The following FBXO42 variants were observed in gnomAD, a reference collection of about 807,000 sequenced individuals.
FBXO42 encodes F-box protein 42.
In FBXO42, 12 loss-of-function variants were observed where a neutral mutation model predicts 71.7. That is an observed-to-expected ratio of 0.17 (90% CI 0.11 to 0.27). FBXO42 has a LOEUF of 0.27. Among genes scored for constraint, FBXO42 ranks in the 10% least tolerant of loss-of-function variants. The pLI is 1.00. For missense variants in FBXO42, 707 were observed against 911.9 expected (o/e 0.78, Z 2.89); for synonymous variants, 325 against 327.5 (o/e 0.99, Z 0.08).
At chr1:16,273,134 G>A (rs529843303) in intron 4 of FBXO42, among the ~76,000 whole-genome samples, 1 of 152,180 alleles carries the variant, frequency 6.6e-6, no homozygotes, top group East Asian at 1.9e-4. Context: ...TGAAAGGTAG[G>A]TATTACCATC....
chr1:16,253,834 AC>A, intron 6 of FBXO42, 103 bp from the exon 7 acceptor site: 3 of 979,186 alleles, frequency 3.1e-6, no homozygotes, highest in Admixed American at 2.1e-5. Flanking sequence ...GCAAACTTGC[AC>A]CATTTTCACT....
chr1:16,271,065 A>T (rs914050499), intron 4 of FBXO42, among the ~76,000 whole-genome samples: 12 of 152,124 alleles, frequency 7.9e-5, no homozygotes, highest in Non-Finnish European at 1.2e-4. Context: ...TAAAGGAGAG[A>T]GTCACAAGGA....
At chr1:16,256,855 A>G in intron 4 of FBXO42, 96 bp from the exon 5 acceptor site, 2 of 1,325,484 alleles carry the variant, frequency 1.5e-6, no homozygotes, top group Non-Finnish European at 2.1e-6. Context: ...GAAGAGCAAC[A>G]AAAGGGGAAC....
chr1:16,250,725 T>C lies in FBXO42; in HGVS notation c.2099A>G (p.Asn700Ser). ...IFGGLMDKKQNVKYYPKTNAL... is the reference protein window; with the variant it reads ...IFGGLMDKKQSVKYYPKTNAL... ...GTTTGTTTTTGGATAGTACTTCACA[T>C]TCTGTTTCTTGTCCATGAGTCCTCC... The change falls in exon 10 of 10, where the codon AAT becomes AGT. Residue 700 changes from asparagine (N) to serine (S), a missense_variant. Asn to Ser is a conservative substitution (Grantham distance 46). Coordinates refer to ENST00000375592, the MANE Select transcript of FBXO42 (RefSeq NM_018994.3). The surrounding 1 kb of genome is among the most constrained non-coding windows in gnomAD (Gnocchi z 4.7). 6.2e-7 allele frequency: 1 copy of C among 1,614,180 alleles called. No individual in the cohort carries two copies. The highest frequency in any genetic ancestry group is 8.5e-7 in the Non-Finnish European group (1 of 1,180,044).
intron 1 of FBXO42, among the ~76,000 whole-genome samples, chr1:16,331,243 C>G (rs963908012): frequency 7.0e-6 from 1 of 143,304 alleles, no homozygotes; most frequent in African/African-American, 2.6e-5. Flanking sequence ...GAAACCCCGT[C>G]TCTACTAAAA....
At chr1:16,316,533 C>T (rs1215871488) in intron 1 of FBXO42, among the ~76,000 whole-genome samples, 1 of 151,588 alleles carries the variant, frequency 6.6e-6, no homozygotes, top group Admixed American at 6.6e-5. Flanking sequence ...GTCAGGAGTT[C>T]GAGACCAGCG....
chr1:16,282,682 T>C (rs2081977184), intron 4 of FBXO42, among the ~76,000 whole-genome samples: 1 of 151,234 alleles, frequency 6.6e-6, no homozygotes, highest in African/African-American at 2.4e-5. Context: ...CCATTTCCAT[T>C]TTTAAAAATG....
chr1:16,330,420 T>C (rs565912588), intron 1 of FBXO42, among the ~76,000 whole-genome samples: 1 of 152,086 alleles, frequency 6.6e-6, no homozygotes, highest in Admixed American at 6.6e-5. Context: ...GGTGGAAGGA[T>C]GGCTTGAGCC....
At position 16,249,107 on chromosome 1, in the gene FBXO42, A is replaced by T. The variant is rs544699125; in HGVS notation, c.*1563T>A. ...GTGATGTTTTGAAATTAGGATTTAAATTTCAAAACAAAACAAAGGCAAAAC... is the reference window on the plus strand; with the variant it reads ...GTGATGTTTTGAAATTAGGATTTAATTTTCAAAACAAAACAAAGGCAAAAC... On this transcript the variant is annotated 3_prime_UTR_variant, in exon 10 of 10. Transcript: ENST00000375592. 1.2e-3 allele frequency: 181 copies of T among 152,376 alleles called. No homozygotes were observed. Among genetic ancestry groups the T allele is most frequent in the African/African-American group, 4.2e-3 (173 of 41,586 alleles). 9.4% of individuals were successfully genotyped at this position (152,376 alleles called of 1,614,324 possible).
intron 3 of FBXO42, among the ~76,000 whole-genome samples, chr1:16,304,329 G>A (rs1392222671): frequency 7.1e-6 from 1 of 141,564 alleles, no homozygotes; most frequent in Non-Finnish European, 1.5e-5. Flanking sequence ...ATGTTGGCCA[G>A]GCTGGTCTCA....
rs60358251 is a variant in FBXO42, at chr1:16,350,573, CAAAAAAAAAAAAA to C, written c.-18+1669_-18+1681del. The stretch of plus-strand genomic sequence containing the variant: ...TGAAACCCCGTCTCTACTAAAATTA[CAAAAAAAAAAAAA>C]AAAAAAAAAAAATTAGCGGGCGTGG... On this transcript the variant is annotated intron_variant, in intron 1 of 9. Coordinates refer to ENST00000375592, the MANE Select transcript of FBXO42 (RefSeq NM_018994.3). Among the ~76,000 whole-genome samples, 11 of 66,794 alleles carry C rather than the reference CAAAAAAAAAAAAA, an allele frequency of 1.6e-4. No individual in the cohort carries two copies. The East Asian group carries it at 3.7e-3, about 23-fold the overall frequency. 43.8% of individuals were successfully genotyped at this position (66,794 alleles called of 152,430 possible).
intron 1 of FBXO42, among the ~76,000 whole-genome samples, chr1:16,332,747 G>A (rs1261833839): frequency 2.0e-5 from 3 of 151,990 alleles, no homozygotes; most frequent in African/African-American, 7.2e-5. Flanking sequence ...CACCATGTTG[G>A]TCAGGCTGGT....
At chr1:16,330,283 C>T (rs560537332) in intron 1 of FBXO42, among the ~76,000 whole-genome samples, 3 of 151,190 alleles carry the variant, frequency 2.0e-5, no homozygotes, top group African/African-American at 7.3e-5. Context: ...CACTTTGAGA[C>T]GCCAAGATGA....
intron 4 of FBXO42, among the ~76,000 whole-genome samples, chr1:16,270,751 T>TACACACACACACAC (rs58610558): frequency 1.1e-4 from 12 of 111,002 alleles, no homozygotes; most frequent in African/African-American, 4.3e-4. Context: ...TACCATGAGA[T>TACACACACACACAC]ACACACACAC....
In FBXO42 at chr1:16,248,969, C is replaced by CAGTA; in HGVS notation, c.*1697_*1700dup. On this transcript the variant is annotated 3_prime_UTR_variant, in exon 10 of 10. Coordinates refer to ENST00000375592, the MANE Select transcript of FBXO42 (RefSeq NM_018994.3). ...ATGTAACAGGAGAAAACACACTTAT[C>CAGTA]AGTACACTTAGGCTGCCAGATGCTG... is the stretch of plus-strand genomic sequence containing the variant. The CAGTA allele has an allele frequency of 6.6e-6, 1 of 152,396 alleles. No individual in the cohort carries two copies. The highest frequency in any genetic ancestry group is 2.4e-5 in the African/African-American group (1 of 41,598). 9.4% of individuals were successfully genotyped at this position (152,396 alleles called of 1,614,324 possible).
intron 1 of FBXO42, among the ~76,000 whole-genome samples, chr1:16,320,369 A>AG (rs2082402012): frequency 2.6e-5 from 4 of 151,772 alleles, no homozygotes; most frequent in South Asian, 4.2e-4. Flanking sequence ...TCAAAAAAAA[A>AG]AAAAAAAAAA....
intron 6 of FBXO42, among the ~76,000 whole-genome samples, chr1:16,254,388 G>A (rs1301520155): frequency 3.3e-5 from 5 of 152,180 alleles, no homozygotes; most frequent in African/African-American, 9.6e-5. Flanking sequence ...AAGCTTTATC[G>A]ATTCTGGCTA....
At chr1:16,289,785 T>G (rs1277447881) in intron 4 of FBXO42, among the ~76,000 whole-genome samples, 1 of 152,048 alleles carries the variant, frequency 6.6e-6, no homozygotes, top group Non-Finnish European at 1.5e-5. Flanking sequence ...AATACAAAAA[T>G]TAGCCAGGCA....
chr1:16,269,937 C>T (rs1411146568), intron 4 of FBXO42, among the ~76,000 whole-genome samples: 1 of 152,088 alleles, frequency 6.6e-6, no homozygotes, highest in Non-Finnish European at 1.5e-5. Context: ...CTCACTGCAA[C>T]CTCCGCCTCC....
Sources: gnomAD v4.1 joint callset for allele counts (sites outside exome capture counted in the v4.1 genomes callset) on GRCh38, gnomAD v4.1.1 for gene constraint, Gnocchi (gnomAD v3.1) non-coding constraint, MANE v1.5 for transcripts, NCBI Gene and HGNC (gene_info 2026-07-23, HGNC 2026-07-21) for gene names.